Variants in DENND1B observed in about 807,000 individuals in gnomAD.
DENND1B encodes DENN domain-containing protein 1B.
In DENND1B, 59 loss-of-function variants were observed where a neutral mutation model predicts 90.1. That is an observed-to-expected ratio of 0.65 (90% CI 0.53 to 0.81). The LOEUF (loss-of-function observed/expected upper bound fraction) is 0.81, where lower values mean the gene tolerates loss of function less well. Among genes scored for constraint, DENND1B ranks in the 40% least tolerant of loss-of-function variants. The pLI, the probability that DENND1B is intolerant of heterozygous loss-of-function variation, is 0.00. For missense variants in DENND1B, 862 were observed against 912.6 expected, an observed-to-expected ratio of 0.94 and a Z score of 0.71; for synonymous variants, 337 against 324.6, an observed-to-expected ratio of 1.04 and a Z score of -0.41.
chr1:197,770,093 A>G (rs1466377591), intron 2 of DENND1B, among the ~76,000 whole-genome samples: 1 of 152,150 alleles, frequency 6.6e-6, no homozygotes, highest in African/African-American at 2.4e-5. Flanking sequence ...TATTCATACT[A>G]TTTAAGTCAT....
chr1:197,717,193 T>A (rs1660731395), intron 2 of DENND1B, among the ~76,000 whole-genome samples: 1 of 151,972 alleles, frequency 6.6e-6, no homozygotes, highest in Non-Finnish European at 1.5e-5. Context: ...TCAGAAGTAC[T>A]GCAAAGGAAG....
chr1:197,608,313 T>C (rs933463247), intron 12 of DENND1B, among the ~76,000 whole-genome samples: 2 of 150,642 alleles, frequency 1.3e-5, no homozygotes, highest in African/African-American at 4.8e-5. Flanking sequence ...ATGTCTACAG[T>C]GAGGACAGAT....
intron 13 of DENND1B, chr1:197,606,120 AGTAGC>A (rs1676658985): frequency 6.6e-6 from 1 of 151,304 alleles, no homozygotes; most frequent in South Asian, 2.1e-4. Context: ...GATATTTTTA[AGTAGC>A]CATTAAAATA....
At chr1:197,714,450 T>C (rs971194364) in intron 3 of DENND1B, among the ~76,000 whole-genome samples, 1 of 152,094 alleles carries the variant, frequency 6.6e-6, no homozygotes, top group African/African-American at 2.4e-5. Context: ...ACTAAATATT[T>C]GAGGAACTAC....
chr1:197,513,008 T>C, intron 20 of DENND1B, 55 bp from the exon 21 acceptor site: 2 of 1,448,046 alleles, frequency 1.4e-6, no homozygotes, highest in Non-Finnish European at 9.4e-7. Flanking sequence ...TAAGTCTCTT[T>C]AGCAAATTTT....
chr1:197,702,409 A>T (rs1441292748), intron 3 of DENND1B, among the ~76,000 whole-genome samples: 1 of 152,190 alleles, frequency 6.6e-6, no homozygotes, highest in Non-Finnish European at 1.5e-5. Flanking sequence ...TGACACGTTA[A>T]GGTTATATAA....
At chr1:197,665,114 AC>A (rs1164787665) in intron 5 of DENND1B, among the ~76,000 whole-genome samples, 1 of 152,152 alleles carries the variant, frequency 6.6e-6, no homozygotes, top group South Asian at 2.1e-4. Flanking sequence ...GAACAAAAGA[AC>A]AGAACAGTGG....
intron 2 of DENND1B, among the ~76,000 whole-genome samples, chr1:197,758,505 G>A (rs1427533009): frequency 1.3e-5 from 2 of 152,120 alleles, no homozygotes; most frequent in Non-Finnish European, 2.9e-5. Context: ...TTATGTATTT[G>A]ACTCTCATAA....
At chr1:197,544,837 G>GGAGGAAGAA (rs1186778998) in intron 18 of DENND1B, among the ~76,000 whole-genome samples, 4 of 141,562 alleles carry the variant, frequency 2.8e-5, no homozygotes, top group Non-Finnish European at 4.6e-5. Flanking sequence ...AAGAGGAAGA[G>GGAGGAAGAA]GAGGAAGAAG....
At chr1:197,513,735 T>C (rs1668200148) in intron 20 of DENND1B, among the ~76,000 whole-genome samples, 1 of 151,598 alleles carries the variant, frequency 6.6e-6, no homozygotes, top group South Asian at 2.1e-4. Context: ...TATTTTTTAG[T>C]ACGTTTCTTT....
chr1:197,542,985 A>G (rs1670454158), intron 18 of DENND1B, among the ~76,000 whole-genome samples: 1 of 151,912 alleles, frequency 6.6e-6, no homozygotes, highest in African/African-American at 2.4e-5. Context: ...CCCAGGCTGG[A>G]GTGCAGTGGC....
intron 18 of DENND1B, chr1:197,545,717 T>G: frequency 2.1e-6 from 1 of 469,410 alleles, no homozygotes; most frequent in Non-Finnish European, 3.7e-6. Context: ...ATGAGAACCA[T>G]TTTTAGATTA....
chr1:197,735,577 G>T, intron 2 of DENND1B: 2 of 1,614,018 alleles, frequency 1.2e-6, no homozygotes, highest in Non-Finnish European at 1.7e-6. Context: ...GAATTCTAAA[G>T]GGTATTACTC....
At chr1:197,738,457 G>C (rs934519200) in intron 2 of DENND1B, among the ~76,000 whole-genome samples, 1 of 152,186 alleles carries the variant, frequency 6.6e-6, no homozygotes, top group Non-Finnish European at 1.5e-5. Context: ...GAGCTGATAA[G>C]TCAAACACAT....
intron 2 of DENND1B, among the ~76,000 whole-genome samples, chr1:197,743,072 A>C (rs1365585950): frequency 1.3e-5 from 2 of 152,224 alleles, no homozygotes; most frequent in Non-Finnish European, 2.9e-5. Context: ...ATTCCAGACT[A>C]TCTTTTCCAG....
chr1:197,761,242 A>G, intron 2 of DENND1B, among the ~76,000 whole-genome samples: 1 of 152,204 alleles, frequency 6.6e-6, no homozygotes, highest in Non-Finnish European at 1.5e-5. Context: ...AACTGCTTAT[A>G]ATTATTAAAC....
chr1:197,586,872 C>T (rs887951201), intron 14 of DENND1B, among the ~76,000 whole-genome samples: 1 of 152,086 alleles, frequency 6.6e-6, no homozygotes, highest in South Asian at 2.1e-4. Context: ...GGCAGAGAGG[C>T]CAGCTTCTTA....
intron 15 of DENND1B, among the ~76,000 whole-genome samples, chr1:197,554,668 T>C (rs920554144): frequency 6.8e-6 from 1 of 147,278 alleles, no homozygotes; most frequent in African/African-American, 2.5e-5. Context: ...TGAAACTCCA[T>C]CTCTACTAAA....
At chr1:197,576,552 T>C (rs1220975867) in intron 15 of DENND1B, among the ~76,000 whole-genome samples, 2 of 152,196 alleles carry the variant, frequency 1.3e-5, no homozygotes, top group Non-Finnish European at 2.9e-5. Context: ...ATACAACCAG[T>C]ATTTAAAATG....
Sources: gnomAD v4.1 joint callset for allele counts (sites outside exome capture counted in the v4.1 genomes callset) on GRCh38, gnomAD v4.1.1 for gene constraint, MANE v1.5 for transcripts, NCBI Gene and HGNC (gene_info 2026-07-23, HGNC 2026-07-21) for gene names.